VAMP8: variants seen among roughly 807,000 people sequenced by gnomAD.
VAMP8 encodes vesicle-associated membrane protein 8.
Under a neutral mutation model 11.4 loss-of-function variants are expected in VAMP8, and 9 were observed. The ratio of observed to expected loss-of-function variants is 0.79; its 90% CI spans 0.48 to 1.38. The LOEUF is 1.38. VAMP8 is among the 40% of genes most tolerant of loss of function. The pLI is 0.00. For missense variants in VAMP8, 108 were observed against 127.8 expected, an observed-to-expected ratio of 0.85 and a Z score of 0.75; for synonymous variants, 42 against 44.7, an observed-to-expected ratio of 0.94 and a Z score of 0.24.
At chr2:85,578,965 G>C (rs1248990348) in intron 1 of VAMP8, 44 bp from the exon 2 acceptor site, 2 of 1,575,600 alleles carry the variant, frequency 1.3e-6, no homozygotes, top group Admixed American at 3.6e-5. Flanking sequence ...CAAGTCTCCA[G>C]TTCCCCCACC....
At chr2:85,579,773 A>C (rs1200012838) in intron 2 of VAMP8, 4 of 1,550,622 alleles carry the variant, frequency 2.6e-6, no homozygotes, top group Middle Eastern at 1.7e-4. Context: ...TTCAGGGAGG[A>C]AGTAACTCCA....
In VAMP8 at chr2:85,581,633, G is replaced by A. The variant is rs766364692; in HGVS notation, c.220G>A (p.Val74Met). 14 of 1,614,048 alleles carry A rather than the reference G, an allele frequency of 8.7e-6. No homozygotes were observed. Among genetic ancestry groups the A allele is most frequent in the African/African-American group, 2.7e-5 (2 of 74,910 alleles). ...GGCTCGAAAATTCTGGTGGAAGAAC[G>A]TGAAGATGATTGTCCTTATCTGCGT... Reference protein sequence around the residue: ...KVARKFWWKNVKMIVLICVIV... With the variant: ...KVARKFWWKNMKMIVLICVIV... Residue 74 changes from valine (V) to methionine (M), a missense_variant, in exon 3 of 3, where the codon GTG (valine) becomes ATG (methionine). Coordinates refer to ENST00000263864, the MANE Select transcript of VAMP8 (RefSeq NM_003761.5).
intron 2 of VAMP8, among the ~76,000 whole-genome samples, chr2:85,580,934 G>A (rs962337739): frequency 6.6e-5 from 10 of 151,930 alleles, no homozygotes; most frequent in Non-Finnish European, 1.5e-4. Flanking sequence ...CTCCCAAAGT[G>A]CTGGGATTAC....
intron 1 of VAMP8, 111 bp downstream of exon 1, chr2:85,577,760 C>A: frequency 1.4e-6 from 2 of 1,452,298 alleles, no homozygotes; most frequent in Non-Finnish European, 1.9e-6. Context: ...AGTTAGAGGG[C>A]TGGGCCAGTG....
At chr2:85,580,994 T>G (rs1435305653) in intron 2 of VAMP8, among the ~76,000 whole-genome samples, 4 of 152,084 alleles carry the variant, frequency 2.6e-5, no homozygotes, top group Non-Finnish European at 5.9e-5. Flanking sequence ...TAGCAGTTTG[T>G]TACCTCAGCT....
At chr2:85,578,949 T>C (rs1672324212) in intron 1 of VAMP8, 60 bp from the exon 2 acceptor site, 1 of 1,560,472 alleles carries the variant, frequency 6.4e-7, no homozygotes, top group South Asian at 1.2e-5. Flanking sequence ...CCCAGATCTC[T>C]GAGCCCAAGT....
In VAMP8 at chr2:85,581,670, TC is replaced by T; in HGVS notation, c.258del (p.Ile87SerfsTer16). The T allele has an allele frequency of 6.2e-7, 1 of 1,614,180 alleles. No homozygotes were observed. Among genetic ancestry groups the T allele is most frequent in the Non-Finnish European group, 8.5e-7 (1 of 1,180,038 alleles). ...MIVLICVIVF[I>X]IILFIVLFAT... is the part of the protein sequence containing the mutation. ...GTCCTTATCTGCGTGATTGTTTTTA[TC>T]ATCATCCTCTTCATTGTGCTCTTTG... is the stretch of plus-strand genomic sequence containing the variant. On this transcript the variant is annotated frameshift_variant, in exon 3 of 3. Coordinates refer to ENST00000263864, the MANE Select transcript of VAMP8 (RefSeq NM_003761.5). LOFTEE classifies it high-confidence loss of function.
chr2:85,580,345 T>A (rs1483235944), intron 2 of VAMP8, among the ~76,000 whole-genome samples: 1 of 152,076 alleles, frequency 6.6e-6, no homozygotes, highest in Non-Finnish European at 1.5e-5. Context: ...CAACCCTCTA[T>A]CCTGTCCTGG....
chr2:85,580,208 T>C (rs1672346576), intron 2 of VAMP8, among the ~76,000 whole-genome samples: 1 of 152,120 alleles, frequency 6.6e-6, no homozygotes, highest in South Asian at 2.1e-4. Flanking sequence ...TGCCTTGGCC[T>C]CTCAAAGTGC....
chr2:85,581,569 C>G lies in VAMP8; in HGVS notation c.163-7C>G. The G allele has an allele frequency of 6.2e-7, 1 of 1,613,992 alleles. No individual in the cohort carries two copies. The highest frequency in any genetic ancestry group is 8.5e-7 in the Non-Finnish European group (1 of 1,179,964). On this transcript the variant is annotated splice_polypyrimidine_tract_variant and splice_region_variant and intron_variant, in intron 2 of 2. Coordinates refer to ENST00000263864, the MANE Select transcript of VAMP8 (RefSeq NM_003761.5). ...CTGGGTCACTCACTCTGCCTTTTCC[C>G]CAACAGTCTGAGCACTTCAAGACGA...
chr2:85,579,169 T>G lies in VAMP8; in HGVS notation c.162+2T>G, dbSNP rs1479520035. 6.3e-7 allele frequency: 1 copy of G among 1,586,418 alleles called. No individual in the cohort carries two copies. Among genetic ancestry groups the G allele is most frequent in the Non-Finnish European group, 8.6e-7 (1 of 1,162,136 alleles). On this transcript the variant is annotated splice_donor_variant, in intron 2 of 2. Coordinates refer to ENST00000263864, the MANE Select transcript of VAMP8 (RefSeq NM_003761.5). LOFTEE classifies it high-confidence loss of function. Reference sequence around the variant, plus strand: ...AAGACAGAGGATCTGGAAGCCACAGTGAGACAGGGAGCCCACTGGGGGCTG... The same window carrying G: ...AAGACAGAGGATCTGGAAGCCACAGGGAGACAGGGAGCCCACTGGGGGCTG...
In VAMP8 at chr2:85,581,763, T is replaced by C. The variant is rs1672383497; in HGVS notation, c.*47T>C. 6.2e-7 allele frequency: 1 copy of C among 1,609,718 alleles called. No homozygotes were observed. On this transcript the variant is annotated 3_prime_UTR_variant, in exon 3 of 3. Transcript: ENST00000263864. ...CTGCCCTTCTCTTCAGGGACAACCC[T>C]CCATAAATGTGTGCCAAGAGGGTCT...
At position 85,581,840 on chromosome 2, in the gene VAMP8, T is replaced by C. The variant is rs1415125263; in HGVS notation, c.*124T>C. ...TGCTGCTCGGTCCTCCTACCCCTCT[T>C]CCCGAGGCCCTGCTGCCATGTTGTA... On this transcript the variant is annotated 3_prime_UTR_variant, in exon 3 of 3. Coordinates refer to ENST00000263864, the MANE Select transcript of VAMP8 (RefSeq NM_003761.5). 6.6e-6 allele frequency: 9 copies of C among 1,353,956 alleles called. No homozygotes were observed. In the African/African-American group the frequency reaches 1.3e-4, roughly 20 times the overall value. 83.9% of individuals were successfully genotyped at this position (1,353,956 alleles called of 1,614,324 possible). A position where few individuals can be genotyped will look rare whatever the true frequency, so the allele number is the denominator to read the frequency against.
Position 85,581,676 on chromosome 2 carries a change from T to C in VAMP8, c.263T>C (p.Ile88Thr). 6 of 1,614,200 alleles carry C rather than the reference T, an allele frequency of 3.7e-6. No homozygotes were observed. The highest frequency in any genetic ancestry group is 5.1e-6 in the Non-Finnish European group (6 of 1,180,026). ...ATCTGCGTGATTGTTTTTATCATCA[T>C]CCTCTTCATTGTGCTCTTTGCCACT... ...VLICVIVFIIILFIVLFATGA... is the reference protein window; with the variant it reads ...VLICVIVFIITLFIVLFATGA... The change falls in exon 3 of 3, where the codon ATC becomes ACC. Residue 88 changes from isoleucine to threonine, a missense_variant. Physicochemically the swap from Ile to Thr is moderately conservative, Grantham distance 89. Coordinates refer to ENST00000263864, the MANE Select transcript of VAMP8 (RefSeq NM_003761.5).
chr2:85,579,958 A>AATT (rs1288493947), intron 2 of VAMP8: 45 of 1,189,972 alleles, frequency 3.8e-5, no homozygotes, highest in Non-Finnish European at 3.1e-5. Context: ...GGCCCCGGGA[A>AATT]TTTTTTTTTT....
At chr2:85,579,723 CATT>C in intron 2 of VAMP8, 2 of 1,550,558 alleles carry the variant, frequency 1.3e-6, no homozygotes, top group Non-Finnish European at 1.7e-6. Flanking sequence ...TGCTAGACCT[CATT>C]CTTCTCTCTC....
At chr2:85,578,531 G>A (rs7579147) in intron 1 of VAMP8, among the ~76,000 whole-genome samples, 44,891 of 152,038 alleles carry the variant, frequency 0.3, 6,866 homozygotes, top group African/African-American at 0.36. Flanking sequence ...CTGGCTTAGA[G>A]GGACAGATGG....
chr2:85,580,989 G>C (rs1005373131), intron 2 of VAMP8, among the ~76,000 whole-genome samples: 2 of 152,012 alleles, frequency 1.3e-5, no homozygotes, highest in Non-Finnish European at 2.9e-5. Flanking sequence ...TTATTTAGCA[G>C]TTTGTTACCT....
At position 85,581,689 on chromosome 2, in the gene VAMP8, G is replaced by C. The variant is rs1177710050; in HGVS notation, c.276G>C (p.Val92=). 2 of 1,614,132 alleles carry C rather than the reference G, an allele frequency of 1.2e-6. No homozygotes were observed. Among genetic ancestry groups the C allele is most frequent in the Non-Finnish European group, 1.7e-6 (2 of 1,180,026 alleles). The change falls in exon 3 of 3, where the codon GTG becomes GTC. Residue 92 remains valine, a synonymous_variant. Coordinates refer to ENST00000263864, the MANE Select transcript of VAMP8 (RefSeq NM_003761.5). ...VIVFIIILFI[V]LFATGAFS Reference sequence around the variant, plus strand: ...TTTTTATCATCATCCTCTTCATTGTGCTCTTTGCCACTGGTGCCTTCTCTT... The same window carrying C: ...TTTTTATCATCATCCTCTTCATTGTCCTCTTTGCCACTGGTGCCTTCTCTT...
Sources: gnomAD v4.1 joint callset for allele counts (sites outside exome capture counted in the v4.1 genomes callset) on GRCh38, gnomAD v4.1.1 for gene constraint, MANE v1.5 for transcripts, NCBI Gene and HGNC (gene_info 2026-07-23, HGNC 2026-07-21) for gene names.